The following KLRG1 variants were observed in gnomAD, a reference collection of about 807,000 sequenced individuals.
KLRG1 encodes killer cell lectin-like receptor subfamily G member 1.
Under a neutral mutation model 21.8 loss-of-function variants are expected in KLRG1, and 16 were observed. The ratio of observed to expected loss-of-function variants is 0.73; its 90% CI spans 0.50 to 1.11. KLRG1 has a LOEUF of 1.11. Ranked by LOEUF, KLRG1 falls within the 50% of genes most tolerant of loss-of-function variation. The pLI is 0.00. For missense variants in KLRG1, 173 were observed against 218.3 expected (o/e 0.79, Z 1.31); for synonymous variants, 69 against 75.9 (o/e 0.91, Z 0.47).
chr12:8,960,153 A>C (rs1451023509), intron 1 of KLRG1, among the ~76,000 whole-genome samples: 1 of 152,180 alleles, frequency 6.6e-6, no homozygotes, highest in African/African-American at 2.4e-5. Flanking sequence ...GGCGAGCCCC[A>C]CAATTCCCCC....
chr12:9,155,543 C>T, the KLRG1 span, among the ~76,000 whole-genome samples: 1 of 152,082 alleles, frequency 6.6e-6, no homozygotes, highest in East Asian at 1.9e-4. Flanking sequence ...ATAGTTTCCA[C>T]TGTAGAAGTT....
chr12:9,039,556 C>T, the KLRG1 span, among the ~76,000 whole-genome samples: 1 of 152,134 alleles, frequency 6.6e-6, no homozygotes, highest in Non-Finnish European at 1.5e-5. Context: ...ACACATTATT[C>T]TCATTATCTC....
chr12:8,964,476 T>C (rs1212248055), intron 1 of KLRG1, among the ~76,000 whole-genome samples: 1 of 152,142 alleles, frequency 6.6e-6, no homozygotes, highest in African/African-American at 2.4e-5. Flanking sequence ...AGTTTTGGAG[T>C]AGGTGTGGTG....
the KLRG1 span, among the ~76,000 whole-genome samples, chr12:9,129,696 C>T: frequency 3.3e-5 from 5 of 152,002 alleles, no homozygotes; most frequent in Non-Finnish European, 7.4e-5. Context: ...TACAGGCGCC[C>T]GCCACCACGC....
chr12:8,999,352 C>A (rs1169658609), intron 3 of KLRG1, among the ~76,000 whole-genome samples: 1 of 152,190 alleles, frequency 6.6e-6, no homozygotes, highest in Non-Finnish European at 1.5e-5. Flanking sequence ...TTCTTTAAAT[C>A]TATTCTGATG....
the KLRG1 span, among the ~76,000 whole-genome samples, chr12:9,108,457 C>G: frequency 6.6e-6 from 1 of 152,276 alleles, no homozygotes; most frequent in South Asian, 2.1e-4. Context: ...GGGATTGTGT[C>G]GTAAATATGT....
chr12:8,977,635 A>G (rs1946680103), intron 1 of KLRG1, among the ~76,000 whole-genome samples: 1 of 151,800 alleles, frequency 6.6e-6, no homozygotes, highest in African/African-American at 2.4e-5. Context: ...TTTTTGTTTT[A>G]TAGTTCTTTT....
intron 3 of KLRG1, 98 bp from the exon 4 acceptor site, chr12:9,008,877 T>C: frequency 3.9e-6 from 3 of 759,536 alleles, no homozygotes; most frequent in Non-Finnish European, 6.6e-6. Context: ...TGTCTTTTAA[T>C]TAATTACTTA....
At chr12:9,042,170 G>A in the KLRG1 span, among the ~76,000 whole-genome samples, 178 of 152,292 alleles carry the variant, frequency 1.2e-3, 3 homozygotes, top group African/African-American at 4.0e-3. Context: ...ATACCAGCTC[G>A]TTTCTTTTAG....
the KLRG1 span, among the ~76,000 whole-genome samples, chr12:9,148,612 A>C: frequency 6.6e-6 from 1 of 152,134 alleles, no homozygotes; most frequent in Non-Finnish European, 1.5e-5. Context: ...CTTCCAGTCC[A>C]GTTATATTAC....
intron 1 of KLRG1, among the ~76,000 whole-genome samples, chr12:8,991,088 G>T (rs767025101): frequency 6.6e-6 from 1 of 152,130 alleles, no homozygotes; most frequent in African/African-American, 2.4e-5. Context: ...GAAAATTGAA[G>T]CCCAAATAGG....
intron 2 of KLRG1, among the ~76,000 whole-genome samples, chr12:8,993,101 T>G (rs894311755): frequency 4.0e-5 from 4 of 99,196 alleles, no homozygotes; most frequent in African/African-American, 7.7e-5. Flanking sequence ...TTTTTTTTTT[T>G]GCCATTCAGG....
chr12:9,033,824 G>A, the KLRG1 span, among the ~76,000 whole-genome samples: 6 of 152,260 alleles, frequency 3.9e-5, no homozygotes, highest in East Asian at 1.2e-3. Context: ...CCCAGAAGTA[G>A]CAGATGTGGG....
chr12:9,158,173 T>G, the KLRG1 span, among the ~76,000 whole-genome samples: 1 of 152,216 alleles, frequency 6.6e-6, no homozygotes, highest in Non-Finnish European at 1.5e-5. Context: ...CAGGCTAGTC[T>G]TATACTCCTG....
the KLRG1 span, chr12:9,077,204 C>A: frequency 1.1e-6 from 1 of 869,932 alleles, no homozygotes. Context: ...TGACCAAATT[C>A]TCTGTAGATC....
At chr12:9,050,980 C>T in the KLRG1 span, among the ~76,000 whole-genome samples, 28 of 152,270 alleles carry the variant, frequency 1.8e-4, no homozygotes, top group East Asian at 1.4e-3. Flanking sequence ...AGGAAGGGGG[C>T]GGGCCCCCAG....
chr12:9,157,128 T>C, the KLRG1 span: 2 of 1,559,566 alleles, frequency 1.3e-6, no homozygotes, highest in Non-Finnish European at 8.8e-7. Context: ...CCCCTCCCTG[T>C]GTCTATGTGT....
the KLRG1 span, among the ~76,000 whole-genome samples, chr12:9,021,770 T>C: frequency 6.6e-6 from 1 of 152,188 alleles, no homozygotes; most frequent in African/African-American, 2.4e-5. Flanking sequence ...GGATCATCAG[T>C]ATCACTGTCT....
chr12:9,077,853 T>C, the KLRG1 span: 2 of 1,614,142 alleles, frequency 1.2e-6, no homozygotes, highest in Non-Finnish European at 8.5e-7. Flanking sequence ...ACAAAGGCTG[T>C]GAGCCTGACC....
Sources: allele counts gnomAD v4.1 joint callset (sites outside exome capture counted in the v4.1 genomes callset), GRCh38; gene constraint gnomAD v4.1.1; transcripts MANE v1.5; gene names NCBI Gene and HGNC (gene_info 2026-07-23, HGNC 2026-07-21).